The following MYOM1 variants were observed in gnomAD, a reference collection of about 807,000 sequenced individuals.
MYOM1 encodes the protein myomesin-1.
Under a neutral mutation model 205.3 loss-of-function variants are expected in MYOM1, and 164 were observed. The ratio of observed to expected loss-of-function variants is 0.80; its 90% confidence interval spans 0.70 to 0.91. The LOEUF is 0.91. Ranked by LOEUF, MYOM1 falls within the 40% of genes least tolerant of loss-of-function variation. MYOM1 has a pLI of 0.00. For missense variants in MYOM1, 2,011 were observed against 2,127.3 expected (o/e 0.95, Z 1.08); for synonymous variants, 772 against 789.4 (o/e 0.98, Z 0.37).
rs925339044 is a variant in MYOM1, at chr18:3,087,746, T to C, written c.4137+1428A>G. On this transcript the variant is annotated intron_variant, in intron 29 of 37. Transcript: ENST00000356443. ...CTCAAGTGATCTGCCTGCTTTGGCC[T>C]CCCAAAGTGCTGGGATTACAGGCAT... Among the ~76,000 whole-genome samples, 4 of 152,146 alleles carry C rather than the reference T, an allele frequency of 2.6e-5. No individual in the cohort carries two copies. In the East Asian group the frequency reaches 5.8e-4, roughly 22 times the overall value.
intron 19 of MYOM1, among the ~76,000 whole-genome samples, chr18:3,124,967 G>A (rs12968989): frequency 9.9e-5 from 15 of 152,032 alleles, no homozygotes; most frequent in Non-Finnish European, 1.9e-4. Context: ...AAAGAACTTT[G>A]CAAGTCAACA....
chr18:3,127,766 C>A (rs2079816772), intron 18 of MYOM1, among the ~76,000 whole-genome samples: 1 of 152,192 alleles, frequency 6.6e-6, no homozygotes, highest in Non-Finnish European at 1.5e-5. Context: ...TTTTAAAAAA[C>A]AGACACAATC....
chr18:3,223,375 A>G (rs28534628), upstream of MYOM1, among the ~76,000 whole-genome samples: 5,154 of 152,296 alleles, frequency 0.034, 257 homozygotes, highest in African/African-American at 0.11. Flanking sequence ...CACGGAAGGA[A>G]AAGCTTAAAT....
intron 14 of MYOM1, 35 bp downstream of exon 14, chr18:3,141,904 G>C: frequency 1.2e-6 from 2 of 1,611,734 alleles, no homozygotes; most frequent in South Asian, 2.2e-5. Flanking sequence ...ATCCTTAGGA[G>C]GTAGTATGAG....
chr18:3,219,108 G>A lies in MYOM1; in HGVS notation c.-29+695C>T, dbSNP rs774774673. Among the ~76,000 whole-genome samples the A allele has an allele frequency of 2.6e-5, 4 of 152,070 alleles. No individual in the cohort carries two copies. The highest frequency in any genetic ancestry group is 5.9e-5 in the Non-Finnish European group (4 of 67,998). ...AGGAAAGATGGTTTTAGTGTCTTTTGTTTCTTTAAGACCTAAATTTTCTTT... is the reference window on the plus strand; with the variant it reads ...AGGAAAGATGGTTTTAGTGTCTTTTATTTCTTTAAGACCTAAATTTTCTTT... On this transcript the variant is annotated intron_variant, in intron 1 of 37. Transcript: ENST00000356443. This position sits in a 1 kb window ranked among gnomAD's most constrained non-coding sequence, Gnocchi z 4.4.
At chr18:3,218,683 TATG>T (rs989610886) in intron 1 of MYOM1, among the ~76,000 whole-genome samples, 1 of 152,226 alleles carries the variant, frequency 6.6e-6, no homozygotes, top group African/African-American at 2.4e-5. Flanking sequence ...AAGTTTCTGT[TATG>T]ATACTACATT....
rs543810626 is a variant in MYOM1, at chr18:3,145,309, CAAA to C, written c.1901-3249_1901-3247del. ...TGGGAAACAGAGTGAGACTCCATCT[CAAA>C]AAAAAAAAAAAATACAATGCTTTTC... On this transcript the variant is annotated intron_variant, in intron 13 of 37. Coordinates refer to ENST00000356443, the MANE Select transcript of MYOM1 (RefSeq NM_003803.4). Among the ~76,000 whole-genome samples the C allele has an allele frequency of 2.7e-4, 34 of 124,632 alleles. No individual in the cohort carries two copies. The South Asian group carries it at 7.5e-3, about 27-fold the overall frequency. 81.8% of individuals were successfully genotyped at this position (124,632 alleles called of 152,430 possible). A position where few individuals can be genotyped will look rare whatever the true frequency, so the allele number is the denominator to read the frequency against.
At chr18:3,112,484 G>T in intron 21 of MYOM1, 72 bp from the exon 22 acceptor site, 1 of 1,172,928 alleles carries the variant, frequency 8.5e-7, no homozygotes. Context: ...TTAAACAGAC[G>T]GGGCTCTTCC....
chr18:3,077,322 C>G (rs79824526), intron 34 of MYOM1, among the ~76,000 whole-genome samples: 1 of 151,994 alleles, frequency 6.6e-6, no homozygotes, highest in Non-Finnish European at 1.5e-5. Context: ...TCTGGCAGGT[C>G]GCTTCATTTT....
rs1296036528 is a variant in MYOM1, at chr18:3,090,713, G to T, written c.3954C>A (p.Phe1318Leu). 3 of 1,613,930 alleles carry T rather than the reference G, an allele frequency of 1.9e-6. No individual in the cohort carries two copies. In the South Asian group the frequency reaches 3.3e-5, roughly 18 times the overall value. ...LQDEDEGTYTFQLQDGKATNH... is the reference protein window; with the variant it reads ...LQDEDEGTYTLQLQDGKATNH... Reference sequence around the variant, plus strand: ...TAGTTGCTTTTCCATCTTGAAGCTGGAAAGTGTACGTTCCCTCATCCTCAT... The same window carrying T: ...TAGTTGCTTTTCCATCTTGAAGCTGTAAAGTGTACGTTCCCTCATCCTCAT... The change falls in exon 27 of 38, where the codon TTC becomes TTA. Residue 1318 changes from phenylalanine to leucine, a missense_variant. Transcript: ENST00000356443.
chr18:3,152,054 T>C lies in MYOM1; in HGVS notation c.1644-161A>G, dbSNP rs1567936784. On this transcript the variant is annotated intron_variant, in intron 11 of 37. Transcript: ENST00000356443. The surrounding 1 kb of genome is among the most constrained non-coding windows in gnomAD (Gnocchi z 4.3). ...GGTGAACTGCATGCAGGCACTCCGT[T>C]TCACTCAAATGCACTGTGTCTTCTT... Among the ~76,000 whole-genome samples, 1 of 152,216 alleles carries C rather than the reference T, an allele frequency of 6.6e-6. No homozygotes were observed. The highest frequency in any genetic ancestry group is 2.1e-4 in the South Asian group (1 of 4,830).
intron 2 of MYOM1, among the ~76,000 whole-genome samples, chr18:3,207,006 A>T (rs80154608): frequency 0.16 from 24,199 of 151,416 alleles, 1,912 homozygotes; most frequent in East Asian, 0.22. Context: ...AGTTTTTTTT[A>T]AAAAAAACTA....
In MYOM1 at chr18:3,071,481, A is replaced by C. The variant is rs150053506; in HGVS notation, c.4764+353T>G. ...TCAAGCAACTCTCCTGCCTCAGCCTACCAAATAGCTGGGATTACAGGCACC... is the reference window on the plus strand; with the variant it reads ...TCAAGCAACTCTCCTGCCTCAGCCTCCCAAATAGCTGGGATTACAGGCACC... On this transcript the variant is annotated intron_variant, in intron 37 of 37. Transcript: ENST00000356443. 1.4e-3 allele frequency among the ~76,000 whole-genome samples: 212 copies of C among 151,978 alleles called. 1 individual carries two copies. The highest frequency in any genetic ancestry group is 4.7e-3 in the African/African-American group (194 of 41,456).
chr18:3,203,217 C>T (rs987818960), intron 2 of MYOM1, among the ~76,000 whole-genome samples: 1 of 150,298 alleles, frequency 6.7e-6, no homozygotes, highest in Non-Finnish European at 1.5e-5. Context: ...ATAATTTAAG[C>T]TTCCATCATA....
chr18:3,203,535 A>C (rs1012852675), intron 2 of MYOM1, among the ~76,000 whole-genome samples: 7 of 152,004 alleles, frequency 4.6e-5, no homozygotes, highest in African/African-American at 1.7e-4. Context: ...CTTAGACAAA[A>C]TAGGAAAATT....
chr18:3,159,212 C>T (rs932989518), intron 10 of MYOM1, among the ~76,000 whole-genome samples: 5 of 152,120 alleles, frequency 3.3e-5, no homozygotes, highest in Non-Finnish European at 7.4e-5. Context: ...TTTATATTAT[C>T]TATTTTTTTC....
In MYOM1 at chr18:3,067,315, C is replaced by T; in HGVS notation, c.5005G>A (p.Glu1669Lys). 1.2e-6 allele frequency: 2 copies of T among 1,611,710 alleles called. No individual in the cohort carries two copies. The highest frequency in any genetic ancestry group is 8.5e-7 in the Non-Finnish European group (1 of 1,179,700). Residue 1669 changes from glutamate (E) to lysine (K), a missense_variant, in exon 38 of 38, where the codon GAG (glutamate) becomes AAG (lysine). By Grantham distance (56) the Glu-to-Lys change is moderately conservative (BLOSUM62 1). Coordinates refer to ENST00000356443, the MANE Select transcript of MYOM1 (RefSeq NM_003803.4). Reference protein sequence around the residue: ...FTVSVFIPEEEARMAALESLK... With the variant: ...FTVSVFIPEEKARMAALESLK... ...GACTCCAAGGCGGCCATCCTCGCCTCCTCCTCTGGGATGAACACGCTGACG... is the reference window on the plus strand; with the variant it reads ...GACTCCAAGGCGGCCATCCTCGCCTTCTCCTCTGGGATGAACACGCTGACG...
chr18:3,229,482 T>C, the MYOM1 span, among the ~76,000 whole-genome samples: 1 of 152,184 alleles, frequency 6.6e-6, no homozygotes, highest in Non-Finnish European at 1.5e-5. Context: ...AATAGAAGTA[T>C]TCCTTTTTAA....
At chr18:3,147,125 T>TATATTATAGATAAA (rs36163112) in intron 13 of MYOM1, among the ~76,000 whole-genome samples, 5 of 139,056 alleles carry the variant, frequency 3.6e-5, no homozygotes, top group South Asian at 2.1e-4. Context: ...TATATAAATA[T>TATATTATAGATAAA]TATATATTAT....
Sources: allele counts gnomAD v4.1 joint callset (sites outside exome capture counted in the v4.1 genomes callset), GRCh38; gene constraint gnomAD v4.1.1; non-coding constraint Gnocchi (gnomAD v3.1); transcripts MANE v1.5; gene names NCBI Gene and HGNC (gene_info 2026-07-23, HGNC 2026-07-21).